CDHR1: variants seen among roughly 807,000 people sequenced by gnomAD.
CDHR1 encodes cadherin-related family member 1.
Under a neutral mutation model 72.1 loss-of-function variants are expected in CDHR1, and 61 were observed. The ratio of observed to expected loss-of-function variants is 0.85; its 90% CI spans 0.69 to 1.05. The LOEUF is 1.05. CDHR1 is among the 50% of genes least tolerant of loss of function. The pLI, the probability that CDHR1 is intolerant of heterozygous loss-of-function variation, is 0.00. For missense variants in CDHR1, 1,186 were observed against 1,115.7 expected, an observed-to-expected ratio of 1.06 and a Z score of -0.90; for synonymous variants, 470 against 448.1, an observed-to-expected ratio of 1.05 and a Z score of -0.62.
chr10:84,216,039 T>C lies in CDHR1; in HGVS notation c.*1418T>C. 1 of 985,436 alleles carries C rather than the reference T, an allele frequency of 1.0e-6. No homozygotes were observed. The highest frequency in any genetic ancestry group is 1.2e-6 in the Non-Finnish European group (1 of 829,948). 61.0% of individuals were successfully genotyped at this position (985,436 alleles called of 1,614,324 possible). On this transcript the variant is annotated 3_prime_UTR_variant, in exon 17 of 17. Transcript: ENST00000623527. ...CAGCCCTTATCAGCTTGTGACAACC[T>C]TCCCCAGGACAGAAGTCATACAAGG...
chr10:84,208,117 T>G, intron 10 of CDHR1, 57 bp from the exon 11 acceptor site: 2 of 1,477,302 alleles, frequency 1.4e-6, no homozygotes, highest in South Asian at 2.3e-5. Flanking sequence ...AGGTAGGAGC[T>G]GGACCATATG....
chr10:84,217,840 G>A lies in CDHR1; in HGVS notation c.*3219G>A, dbSNP rs1842449584. On this transcript the variant is annotated 3_prime_UTR_variant, in exon 17 of 17. Coordinates refer to ENST00000623527, the MANE Select transcript of CDHR1 (RefSeq NM_033100.4). The stretch of plus-strand genomic sequence containing the variant: ...GCATCTGTGGCCTGTGTAGCCGGCA[G>A]CCTGCATTTGGGCGTTGACATTCCA... 15 of 985,472 alleles carry A rather than the reference G, an allele frequency of 1.5e-5. No homozygotes were observed. The highest frequency in any genetic ancestry group is 1.8e-5 in the Non-Finnish European group (15 of 829,964). 61.0% of individuals were successfully genotyped at this position (985,472 alleles called of 1,614,324 possible).
chr10:84,204,363 C>T (rs1428887391), intron 8 of CDHR1, among the ~76,000 whole-genome samples, 164 bp from the exon 9 acceptor site: 2 of 152,168 alleles, frequency 1.3e-5, no homozygotes, highest in South Asian at 2.1e-4. Context: ...GTGGGTGCTT[C>T]GATCCCCCTG....
intron 13 of CDHR1, 49 bp from the exon 14 acceptor site, chr10:84,211,599 C>T (rs369104767): frequency 5.2e-6 from 8 of 1,536,892 alleles, no homozygotes; most frequent in Non-Finnish European, 6.3e-6. Flanking sequence ...GAGCTGCCAA[C>T]ATACCCTGAC....
chr10:84,200,710 T>A (rs772467319), intron 6 of CDHR1, 23 bp downstream of exon 6: 1 of 1,580,750 alleles, frequency 6.3e-7, no homozygotes, highest in East Asian at 2.3e-5. Flanking sequence ...ACACAGGACC[T>A]AACCTGGGGC....
intron 9 of CDHR1, 119 bp from the exon 10 acceptor site, chr10:84,205,708 A>G: frequency 1.4e-6 from 1 of 727,428 alleles, no homozygotes; most frequent in Admixed American, 2.0e-5. Context: ...CAAGACACAG[A>G]TGACAGGATT....
chr10:84,214,145 G>A lies in CDHR1; in HGVS notation c.2104G>A (p.Val702Met), dbSNP rs1260444282. Residue 702 changes from valine (V) to methionine (M), a missense_variant, in exon 17 of 17, where the codon GTG (valine) becomes ATG (methionine). Coordinates refer to ENST00000623527, the MANE Select transcript of CDHR1 (RefSeq NM_033100.4). ...GACCAAGGACAACCCCATGAAGGCC[G>A]TGGGTGTGCTGGCCGGCACCATGGC... Reference protein sequence around the residue: ...IQTKDNPMKAVGVLAGTMATV... With the variant: ...IQTKDNPMKAMGVLAGTMATV... 1 of 1,614,184 alleles carries A rather than the reference G, an allele frequency of 6.2e-7. No individual in the cohort carries two copies. The highest frequency in any genetic ancestry group is 8.5e-7 in the Non-Finnish European group (1 of 1,180,036).
chr10:84,213,969 C>A, intron 16 of CDHR1, 113 bp from the exon 17 acceptor site: 1 of 1,383,014 alleles, frequency 7.2e-7, no homozygotes, highest in Non-Finnish European at 1.0e-6. Context: ...CTCAAAGGGA[C>A]TCCTGACTCC....
intron 5 of CDHR1, among the ~76,000 whole-genome samples, chr10:84,200,129 C>T (rs1842096557): frequency 6.6e-6 from 1 of 150,732 alleles, no homozygotes; most frequent in Non-Finnish European, 1.5e-5. Flanking sequence ...AAGATCACGC[C>T]ATTGCACTCC....
chr10:84,196,177 T>G (rs749535608), intron 2 of CDHR1, among the ~76,000 whole-genome samples: 24 of 152,290 alleles, frequency 1.6e-4, no homozygotes, highest in Non-Finnish European at 2.2e-4. Flanking sequence ...TCTTGGATCC[T>G]GAGAGAGGAG....
Position 84,215,347 on chromosome 10 carries a change from G to T in CDHR1, c.*726G>T. 6.1e-6 allele frequency: 6 copies of T among 985,770 alleles called. No homozygotes were observed. Among genetic ancestry groups the T allele is most frequent in the Non-Finnish European group, 7.2e-6 (6 of 830,238 alleles). The allele number at this position is 985,770 out of a possible 1,614,324, so 61.1% of individuals were successfully genotyped here. The stretch of plus-strand genomic sequence containing the variant: ...TCTCCAGCCAGGACTGCCCTGAGCC[G>T]CAAAATGTCAAAGCTGGAGCTATAG... On this transcript the variant is annotated 3_prime_UTR_variant, in exon 17 of 17. Transcript: ENST00000623527.
chr10:84,199,022 C>T lies in CDHR1; in HGVS notation c.349-10C>T, dbSNP rs1358850537. 1.3e-6 allele frequency: 2 copies of T among 1,551,072 alleles called. No homozygotes were observed. The highest frequency in any genetic ancestry group is 3.9e-5 in the Admixed American group (2 of 50,984). On this transcript the variant is annotated splice_polypyrimidine_tract_variant and intron_variant, in intron 4 of 16. Coordinates refer to ENST00000623527, the MANE Select transcript of CDHR1 (RefSeq NM_033100.4). Reference sequence around the variant, plus strand: ...TTGCACTGGCTCTTGACCCCTCTGCCCCTTCTCAGGTGGCCGAAAAAGTCG... The same window carrying T: ...TTGCACTGGCTCTTGACCCCTCTGCTCCTTCTCAGGTGGCCGAAAAAGTCG...
At chr10:84,198,705 G>A (rs1842070501) in intron 4 of CDHR1, among the ~76,000 whole-genome samples, 1 of 152,208 alleles carries the variant, frequency 6.6e-6, no homozygotes, top group Non-Finnish European at 1.5e-5. Flanking sequence ...CGCCCTCAGT[G>A]CCTGGCATAC....
rs2132799696 is a variant in CDHR1 at position 84,200,670 on chromosome 10, G to A, written c.508G>A (p.Val170Ile). Residue 170 changes from valine (V) to isoleucine (I), a missense_variant, in exon 6 of 17, where the codon GTC (valine) becomes ATC (isoleucine). Val to Ile is a conservative substitution (Grantham distance 29). Transcript: ENST00000623527. ...VDRDTGSGGS[V>I]TYFLQNLHSP... is the part of the protein sequence containing the mutation. Reference sequence around the variant, plus strand: ...CAGGGACACAGGCTCTGGAGGGAGTGTCACCTACTTCCTGCAGGTAAGGCA... The same window carrying A: ...CAGGGACACAGGCTCTGGAGGGAGTATCACCTACTTCCTGCAGGTAAGGCA... 6.2e-7 allele frequency: 1 copy of A among 1,611,044 alleles called. No homozygotes were observed. The highest frequency in any genetic ancestry group is 1.7e-4 in the Middle Eastern group (1 of 6,050).
Position 84,208,156 on chromosome 10 carries a change from C to A in CDHR1, c.964-18C>A. The A allele has an allele frequency of 6.2e-7, 1 of 1,611,438 alleles. No individual in the cohort carries two copies. Among genetic ancestry groups the A allele is most frequent in the Non-Finnish European group, 8.5e-7 (1 of 1,177,568 alleles). On this transcript the variant is annotated intron_variant, in intron 10 of 16. Coordinates refer to ENST00000623527, the MANE Select transcript of CDHR1 (RefSeq NM_033100.4). ...GGTCCACCTGCCACACAGCCATAGC[C>A]ACTTGTCCCCATCCCAGGTGACTGA...
At chr10:84,202,125 C>T (rs1042988195) in intron 7 of CDHR1, among the ~76,000 whole-genome samples, 5 of 152,134 alleles carry the variant, frequency 3.3e-5, no homozygotes, top group African/African-American at 9.7e-5. Context: ...AGGGCATATG[C>T]CTCCTCGAAA....
intron 16 of CDHR1, 72 bp downstream of exon 16, chr10:84,213,420 G>A: frequency 1.3e-6 from 2 of 1,598,480 alleles, no homozygotes; most frequent in Admixed American, 1.7e-5. Flanking sequence ...CGTGGGCAGA[G>A]CGAGAAGGAC....
Position 84,212,497 on chromosome 10 carries a change from A to C in CDHR1, c.1782+90A>C, listed in dbSNP as rs960456883. ...GGCATAAGAATTTCATTGAAGATAA[A>C]ATTTTTTGGCTTCCCACCATGGACA... On this transcript the variant is annotated intron_variant, in intron 15 of 16. Coordinates refer to ENST00000623527, the MANE Select transcript of CDHR1 (RefSeq NM_033100.4). The C allele has an allele frequency of 3.3e-6, 4 of 1,196,064 alleles. No homozygotes were observed. The African/African-American group carries it at 4.6e-5, about 14-fold the overall frequency. The allele number at this position is 1,196,064 out of a possible 1,614,324, so 74.1% of individuals were successfully genotyped here.
rs748130106 is a variant in CDHR1 at position 84,218,322 on chromosome 10, G to T, written c.*3701G>T. On this transcript the variant is annotated 3_prime_UTR_variant, in exon 17 of 17. Coordinates refer to ENST00000623527, the MANE Select transcript of CDHR1 (RefSeq NM_033100.4). ...CAATAAAGCAGAGTAGCAACAGGCTGATGTTGGGGACATCGGTTTGATGTT... is the reference window on the plus strand; with the variant it reads ...CAATAAAGCAGAGTAGCAACAGGCTTATGTTGGGGACATCGGTTTGATGTT... 8.4e-5 allele frequency: 83 copies of T among 985,346 alleles called. No individual in the cohort carries two copies. The highest frequency in any genetic ancestry group is 9.9e-5 in the Non-Finnish European group (82 of 829,946). The allele number at this position is 985,346 out of a possible 1,614,324, so 61.0% of individuals were successfully genotyped here.
Sources: allele counts gnomAD v4.1 joint callset (sites outside exome capture counted in the v4.1 genomes callset), GRCh38; gene constraint gnomAD v4.1.1; transcripts MANE v1.5; gene names NCBI Gene and HGNC (gene_info 2026-07-23, HGNC 2026-07-21).